LGALS14: variants seen among roughly 807,000 people sequenced by gnomAD.
LGALS14 encodes the protein galectin 14.
Under a neutral mutation model 14.6 loss-of-function variants are expected in LGALS14, and 14 were observed. The observed-to-expected ratio is 0.96, with a 90% CI of 0.64 to 1.50. The LOEUF (loss-of-function observed/expected upper bound fraction) is 1.50, where lower values mean the gene tolerates loss of function less well. LGALS14 is among the 40% of genes most tolerant of loss of function. The pLI is 0.00. For missense variants in LGALS14, 180 were observed against 172.0 expected (o/e 1.05, Z -0.26); for synonymous variants, 57 against 63.9 (o/e 0.89, Z 0.51).
At chr19:39,707,116 T>C in intron 2 of LGALS14, 62 bp from the exon 3 acceptor site, 1 of 1,251,502 alleles carries the variant, frequency 8.0e-7, no homozygotes, top group East Asian at 2.3e-5. Flanking sequence ...TTTGTGTGTG[T>C]GGCGAGTGTG....
At chr19:39,707,697 A>C (rs577954425) in intron 3 of LGALS14, among the ~76,000 whole-genome samples, 1 of 152,314 alleles carries the variant, frequency 6.6e-6, no homozygotes, top group Non-Finnish European at 1.5e-5. Context: ...TATACTATAT[A>C]CTTAAGAAAA....
chr19:39,707,322 C>T lies in LGALS14; in HGVS notation c.237C>T (p.Tyr79=). 6.2e-7 allele frequency: 1 copy of T among 1,614,094 alleles called. No homozygotes were observed. Among genetic ancestry groups the T allele is most frequent in the Non-Finnish European group, 8.5e-7 (1 of 1,179,920 alleles). Residue 79 remains tyrosine (Y), a synonymous_variant, in exon 3 of 4, where the codon TAC becomes TAT. Transcript: ENST00000392052. ...FGIWRYEEKC[Y]YLPFEDGKPF... is the part of the protein sequence containing the mutation. ...TATGGAGATATGAGGAGAAATGCTACTATTTACCCTTTGAAGATGGCAAAC... is the reference window on the plus strand; with the variant it reads ...TATGGAGATATGAGGAGAAATGCTATTATTTACCCTTTGAAGATGGCAAAC...
intron 1 of LGALS14, chr19:39,705,693 T>G: frequency 2.0e-6 from 1 of 490,316 alleles, no homozygotes; most frequent in Non-Finnish European, 3.7e-6. Flanking sequence ...TCTTTAAATA[T>G]CTGACTGGCA....
chr19:39,706,833 A>T (rs1973721434), intron 2 of LGALS14, among the ~76,000 whole-genome samples, 160 bp downstream of exon 2: 1 of 152,172 alleles, frequency 6.6e-6, no homozygotes, highest in South Asian at 2.1e-4. Context: ...CAGACATGAG[A>T]CCTGTAGAAA....
chr19:39,706,642 A>C lies in LGALS14; in HGVS notation c.61A>C (p.Ile21Leu), dbSNP rs773498347. The C allele has an allele frequency of 3.1e-6, 5 of 1,613,972 alleles. No individual in the cohort carries two copies. Among genetic ancestry groups the C allele is most frequent in the Non-Finnish European group, 4.2e-6 (5 of 1,179,856 alleles). ...TTCCTTGCCTGTTGGTTCGTGCGTGATAATCACAGGGACACCGATCCTCAC... is the reference window on the plus strand; with the variant it reads ...TTCCTTGCCTGTTGGTTCGTGCGTGCTAATCACAGGGACACCGATCCTCAC... ...PVSLPVGSCV[I>L]ITGTPILTFV... The change falls in exon 2 of 4, where the codon ATA (isoleucine) becomes CTA (leucine). Residue 21 changes from isoleucine (I) to leucine (L), a missense_variant. Transcript: ENST00000392052.
Position 39,709,214 on chromosome 19 carries a change from A to G in LGALS14, c.321A>G (p.Gln107=), listed in dbSNP as rs904136134. 1.2e-5 allele frequency: 20 copies of G among 1,611,654 alleles called. No homozygotes were observed. The African/African-American group carries it at 2.4e-4, about 19-fold the overall frequency. ...TCTTGTAGGTAATGGTAAATGGCCA[A>G]CGCATTTACAACTTTGCCCATCGAT... ...HKEYKVMVNG[Q]RIYNFAHRFP... is the part of the protein sequence containing the mutation. Residue 107 remains glutamine (Q), a synonymous_variant, in exon 4 of 4, where the codon CAA becomes CAG. Coordinates refer to ENST00000392052, the MANE Select transcript of LGALS14 (RefSeq NM_020129.3).
intron 1 of LGALS14, among the ~76,000 whole-genome samples, chr19:39,705,350 C>T (rs947382130): frequency 1.3e-5 from 2 of 152,150 alleles, no homozygotes; most frequent in Non-Finnish European, 2.9e-5. Flanking sequence ...TGTCGCTAGC[C>T]CAGCCTGTTC....
At chr19:39,705,837 C>A in intron 1 of LGALS14, 2 of 1,592,322 alleles carry the variant, frequency 1.3e-6, no homozygotes, top group Non-Finnish European at 1.7e-6. Flanking sequence ...AGAGCAAGAC[C>A]CTATCTCAAA....
chr19:39,706,502 C>T (rs1226925114), intron 1 of LGALS14, 95 bp from the exon 2 acceptor site: 1 of 896,360 alleles, frequency 1.1e-6, no homozygotes, highest in Non-Finnish European at 1.8e-6. Context: ...AGAGTCTGAC[C>T]TTTGATCTCT....
intron 1 of LGALS14, chr19:39,706,130 T>G (rs1973711912): frequency 7.1e-7 from 1 of 1,399,778 alleles, no homozygotes; most frequent in Non-Finnish European, 9.7e-7. Flanking sequence ...AGTCTTGTTT[T>G]CATTTTCTGA....
In LGALS14 at chr19:39,709,343, G is replaced by T; in HGVS notation, c.*30G>T. ...GATGATCAGACTCCTCATTGTTGAG[G>T]AATCCCTCTTTCTACCTGACCATGG... On this transcript the variant is annotated 3_prime_UTR_variant, in exon 4 of 4. Transcript: ENST00000392052. 7.8e-7 allele frequency: 1 copy of T among 1,277,896 alleles called. No individual in the cohort carries two copies. The highest frequency in any genetic ancestry group is 1.1e-6 in the Non-Finnish European group (1 of 874,550). 79.2% of individuals were successfully genotyped at this position (1,277,896 alleles called of 1,614,324 possible).
At chr19:39,706,764 ACT>A (rs1318736692) in intron 2 of LGALS14, 91 bp downstream of exon 2, 3 of 1,136,512 alleles carry the variant, frequency 2.6e-6, no homozygotes, top group African/African-American at 3.1e-5. Flanking sequence ...GATGTGGAAA[ACT>A]CTAGTTGGCA....
At chr19:39,707,015 T>G (rs1414757932) in intron 2 of LGALS14, among the ~76,000 whole-genome samples, 163 bp from the exon 3 acceptor site, 1 of 152,196 alleles carries the variant, frequency 6.6e-6, no homozygotes, top group East Asian at 1.9e-4. Flanking sequence ...TCTCCCTGCC[T>G]GGGGGCATGA....
Position 39,709,187 on chromosome 19 carries a change from C to T in LGALS14, c.304-10C>T, listed in dbSNP as rs1973761257. On this transcript the variant is annotated splice_polypyrimidine_tract_variant and intron_variant, in intron 3 of 3. Coordinates refer to ENST00000392052, the MANE Select transcript of LGALS14 (RefSeq NM_020129.3). ...CATGCTGTCTTTCTGATGCATTTTT[C>T]CTCTTGTAGGTAATGGTAAATGGCC... is the stretch of plus-strand genomic sequence containing the variant. The T allele has an allele frequency of 2.6e-6, 4 of 1,568,280 alleles. No individual in the cohort carries two copies. In the East Asian group the frequency reaches 6.7e-5, roughly 26 times the overall value.
At chr19:39,705,136 A>G (rs1180777316) in intron 1 of LGALS14, among the ~76,000 whole-genome samples, 2 of 152,174 alleles carry the variant, frequency 1.3e-5, no homozygotes, top group African/African-American at 4.8e-5. Flanking sequence ...GTGGATCCCA[A>G]GTGGCTTAAC....
chr19:39,707,593 T>G (rs984342507), intron 3 of LGALS14, among the ~76,000 whole-genome samples: 1 of 152,236 alleles, frequency 6.6e-6, no homozygotes, highest in African/African-American at 2.4e-5. Flanking sequence ...TCGGCTCACC[T>G]GCCATTTCCT....
rs572782055 is a variant in LGALS14, at chr19:39,705,621, T to C, written c.16-976T>C. The C allele has an allele frequency of 3.1e-5, 8 of 259,598 alleles. No individual in the cohort carries two copies. In the East Asian group the frequency reaches 7.6e-4, roughly 25 times the overall value. The allele number at this position is 259,598 out of a possible 1,614,324, so 16.1% of individuals were successfully genotyped here. On this transcript the variant is annotated intron_variant, in intron 1 of 3. Transcript: ENST00000392052. ...AATTTGGGAGGCAAAGATGGGAGGG[T>C]AACTTGAGGCCAGAAATTTGAGACC...
intron 1 of LGALS14, chr19:39,705,816 G>A: frequency 1.3e-6 from 2 of 1,510,752 alleles, no homozygotes; most frequent in Admixed American, 1.8e-5. Flanking sequence ...CTGCATATCA[G>A]CCTGGGTGAC....
chr19:39,706,072 C>T (rs537596492), intron 1 of LGALS14: 1 of 1,600,434 alleles, frequency 6.2e-7, no homozygotes, highest in South Asian at 1.1e-5. Context: ...TCTCTTTCAA[C>T]AAGTGTTGTT....
Sources: allele counts gnomAD v4.1 joint callset (sites outside exome capture counted in the v4.1 genomes callset), GRCh38; gene constraint gnomAD v4.1.1; transcripts MANE v1.5; gene names NCBI Gene and HGNC (gene_info 2026-07-23, HGNC 2026-07-21).